VLDLR: variants seen among roughly 807,000 people sequenced by gnomAD.
VLDLR encodes very low-density lipoprotein receptor.
Under a neutral mutation model 112.7 loss-of-function variants are expected in VLDLR, and 81 were observed. That is an observed-to-expected ratio of 0.72 (90% CI 0.60 to 0.86). The LOEUF is 0.86. VLDLR is among the 40% of genes least tolerant of loss of function. VLDLR has a pLI of 0.00. For missense variants in VLDLR, 1,237 were observed against 1,099.4 expected, an observed-to-expected ratio of 1.13 and a Z score of -1.77; for synonymous variants, 436 against 384.8, an observed-to-expected ratio of 1.13 and a Z score of -1.56.
intron 1 of VLDLR, among the ~76,000 whole-genome samples, chr9:2,627,053 G>A (rs1042818238): frequency 2.6e-5 from 3 of 114,202 alleles, no homozygotes; most frequent in Non-Finnish European, 5.5e-5. Flanking sequence ...TGGGGACAGA[G>A]TGACCATAGC....
intron 1 of VLDLR, among the ~76,000 whole-genome samples, chr9:2,629,561 A>G (rs1191165935): frequency 2.0e-5 from 3 of 152,220 alleles, no homozygotes; most frequent in African/African-American, 4.8e-5. Context: ...AATAGGGCCA[A>G]CTGTGCAGGA....
intron 2 of VLDLR, among the ~76,000 whole-genome samples, chr9:2,637,684 A>G (rs541259418): frequency 2.6e-5 from 4 of 152,284 alleles, no homozygotes; most frequent in Admixed American, 6.5e-5. Context: ...GCTCACGCCT[A>G]TAATCCCAGC....
chr9:2,622,138 C>A lies in VLDLR; in HGVS notation c.-52C>A, dbSNP rs1816815699. On this transcript the variant is annotated 5_prime_UTR_variant, in exon 1 of 19. Coordinates refer to ENST00000382100, the MANE Select transcript of VLDLR (RefSeq NM_003383.5). ...TCGGAAGGACTGGTAACTTGTCGTG[C>A]GGAGCGAACGGCGGCGGCGGCGGCG... 1.4e-6 allele frequency: 2 copies of A among 1,415,412 alleles called. No individual in the cohort carries two copies. Among genetic ancestry groups the A allele is most frequent in the Admixed American group, 5.4e-5 (2 of 36,842 alleles). 87.7% of individuals were successfully genotyped at this position (1,415,412 alleles called of 1,614,324 possible). A position where few individuals can be genotyped will look rare whatever the true frequency, so the allele number is the denominator to read the frequency against.
chr9:2,621,926 T>A lies in VLDLR; in HGVS notation c.-264T>A. 1.6e-6 allele frequency: 1 copy of A among 637,330 alleles called. No individual in the cohort carries two copies. Among genetic ancestry groups the A allele is most frequent in the Non-Finnish European group, 2.9e-6 (1 of 347,768 alleles). 39.5% of individuals were successfully genotyped at this position (637,330 alleles called of 1,614,324 possible). A position where few individuals can be genotyped will look rare whatever the true frequency, so the allele number is the denominator to read the frequency against. The stretch of plus-strand genomic sequence containing the variant: ...CCTCCCCTCCTCTGCAGCGCCTGCA[T>A]TATTTTCTGCCCGCAGGCTCGGCTT... On this transcript the variant is annotated 5_prime_UTR_variant, in exon 1 of 19. Coordinates refer to ENST00000382100, the MANE Select transcript of VLDLR (RefSeq NM_003383.5).
At chr9:2,630,852 C>A (rs1159987250) in intron 1 of VLDLR, among the ~76,000 whole-genome samples, 1 of 152,154 alleles carries the variant, frequency 6.6e-6, no homozygotes, top group Non-Finnish European at 1.5e-5. Context: ...TAAAAAGCTT[C>A]TGCACAGCAA....
chr9:2,656,230 A>AT lies in VLDLR; in HGVS notation c.*2364dup, dbSNP rs1818599247. On this transcript the variant is annotated 3_prime_UTR_variant, in exon 19 of 19. Coordinates refer to ENST00000382100, the MANE Select transcript of VLDLR (RefSeq NM_003383.5). The stretch of plus-strand genomic sequence containing the variant: ...CCAGTAAGAAGCCAAGGTACAACTC[A>AT]TTGTACCTACGAGGTACAAACTCAT... The AT allele has an allele frequency of 1.3e-5, 2 of 152,054 alleles. No individual in the cohort carries two copies. The highest frequency in any genetic ancestry group is 6.5e-5 in the Admixed American group (1 of 15,274). 9.4% of individuals were successfully genotyped at this position (152,054 alleles called of 1,614,324 possible). A position where few individuals can be genotyped will look rare whatever the true frequency, so the allele number is the denominator to read the frequency against.
At chr9:2,635,314 C>A in intron 1 of VLDLR, 139 bp from the exon 2 acceptor site, 1 of 1,272,874 alleles carries the variant, frequency 7.9e-7, no homozygotes, top group Non-Finnish European at 1.1e-6. Context: ...GGCTGAAGAG[C>A]CATCCTACTC....
chr9:2,631,119 A>T (rs1345571430), intron 1 of VLDLR, among the ~76,000 whole-genome samples: 3 of 152,262 alleles, frequency 2.0e-5, no homozygotes, highest in African/African-American at 4.8e-5. Flanking sequence ...ATGACATATA[A>T]TCTTATACCA....
Position 2,654,136 on chromosome 9 carries a change from T to G in VLDLR, c.*268T>G. ...CAGTATTGCCACCTCTGGCCAAATATGCACTTTCCCTAGAAAGCCATATTC... is the reference window on the plus strand; with the variant it reads ...CAGTATTGCCACCTCTGGCCAAATAGGCACTTTCCCTAGAAAGCCATATTC... On this transcript the variant is annotated 3_prime_UTR_variant, in exon 19 of 19. Transcript: ENST00000382100. The G allele has an allele frequency of 4.2e-6, 2 of 477,370 alleles. No homozygotes were observed. 29.6% of individuals were successfully genotyped at this position (477,370 alleles called of 1,614,324 possible).
chr9:2,651,390 C>A (rs748599133), intron 15 of VLDLR, 25 bp from the exon 16 acceptor site: 2 of 1,604,068 alleles, frequency 1.2e-6, no homozygotes, highest in Non-Finnish European at 1.7e-6. Flanking sequence ...TGGCATTAAC[C>A]AGGTTCTTGG....
rs758404215 is a variant in VLDLR at position 2,645,077 on chromosome 9, C to A, written c.1307C>A (p.Ala436Glu). The change falls in exon 9 of 19, where the codon GCA becomes GAA. Residue 436 changes from alanine to glutamate, a missense_variant. Coordinates refer to ENST00000382100, the MANE Select transcript of VLDLR (RefSeq NM_003383.5). ...GATCTTGCTACTGGCGTGTGCAAGG[C>A]AGTAGGTAAATGAACTTGGACTGGT... is the stretch of plus-strand genomic sequence containing the variant. ...QMDLATGVCKAVGKEPSLIFT... is the reference protein window; with the variant it reads ...QMDLATGVCKEVGKEPSLIFT... 4.1e-5 allele frequency: 66 copies of A among 1,614,022 alleles called. No homozygotes were observed. The highest frequency in any genetic ancestry group is 4.9e-5 in the Non-Finnish European group (58 of 1,180,038).
At chr9:2,647,635 C>G in intron 12 of VLDLR, 43 bp downstream of exon 12, 2 of 1,504,642 alleles carry the variant, frequency 1.3e-6, no homozygotes, top group Non-Finnish European at 1.9e-6. Context: ...CAACTATCTT[C>G]ATAGTGTTTC....
chr9:2,642,248 A>G (rs1817864651), intron 4 of VLDLR, among the ~76,000 whole-genome samples: 1 of 152,206 alleles, frequency 6.6e-6, no homozygotes, highest in African/African-American at 2.4e-5. Context: ...TAAAACCTAC[A>G]GCTCCCAAGT....
At chr9:2,631,065 C>T (rs1056210075) in intron 1 of VLDLR, among the ~76,000 whole-genome samples, 5 of 152,122 alleles carry the variant, frequency 3.3e-5, no homozygotes, top group Admixed American at 6.5e-5. Context: ...ATGAAAAAAT[C>T]GTTACCATTA....
intron 18 of VLDLR, 77 bp from the exon 19 acceptor site, chr9:2,653,756 C>A: frequency 6.5e-7 from 1 of 1,540,038 alleles, no homozygotes; most frequent in Non-Finnish European, 9.0e-7. Flanking sequence ...AACTCAAAAG[C>A]AAGGTCCATT....
chr9:2,651,979 G>C lies in VLDLR; in HGVS notation c.2416+25G>C, dbSNP rs530417874. On this transcript the variant is annotated intron_variant, in intron 17 of 18. Transcript: ENST00000382100. Reference sequence around the variant, plus strand: ...TGTAAGTAGATTTCCTACAAGTCTGGGTTCAAGAACTTCTTAGATACCAGA... The same window carrying C: ...TGTAAGTAGATTTCCTACAAGTCTGCGTTCAAGAACTTCTTAGATACCAGA... The C allele has an allele frequency of 1.3e-5, 21 of 1,612,372 alleles. No homozygotes were observed. In the African/African-American group the frequency reaches 1.9e-4, roughly 14 times the overall value.
intron 1 of VLDLR, among the ~76,000 whole-genome samples, chr9:2,627,813 C>T (rs1053294972): frequency 6.7e-6 from 1 of 148,826 alleles, no homozygotes; most frequent in African/African-American, 2.5e-5. Flanking sequence ...TTCAGTGAGC[C>T]GAGATAACGC....
At chr9:2,653,036 G>GGAT in intron 18 of VLDLR, 87 bp downstream of exon 18, 1 of 1,542,814 alleles carries the variant, frequency 6.5e-7, no homozygotes, top group Non-Finnish European at 9.0e-7. Flanking sequence ...AGAGCCATTA[G>GGAT]GATGATGGAG....
At chr9:2,650,217 C>A (rs986464002) in intron 14 of VLDLR, among the ~76,000 whole-genome samples, 153 bp from the exon 15 acceptor site, 5 of 152,154 alleles carry the variant, frequency 3.3e-5, no homozygotes, top group African/African-American at 9.7e-5. Context: ...TATACTTATT[C>A]TTCCTTGATA....
Sources: allele counts gnomAD v4.1 joint callset (sites outside exome capture counted in the v4.1 genomes callset), GRCh38; gene constraint gnomAD v4.1.1; transcripts MANE v1.5; gene names NCBI Gene and HGNC (gene_info 2026-07-23, HGNC 2026-07-21).